Variants in DIP2A observed in about 807,000 individuals in gnomAD.
The protein encoded by DIP2A is disco-interacting protein 2 homolog A.
In DIP2A, 85 loss-of-function variants were observed where a neutral mutation model predicts 177.4. That is an observed-to-expected ratio of 0.48 (90% CI 0.40 to 0.57). The LOEUF (loss-of-function observed/expected upper bound fraction) is 0.57, where lower values mean the gene tolerates loss of function less well. Ranked by LOEUF, DIP2A falls within the 20% of genes least tolerant of loss-of-function variation. DIP2A has a pLI of 0.00. For missense variants in DIP2A, 1,791 were observed against 2,100.2 expected, an observed-to-expected ratio of 0.85 and a Z score of 2.88; for synonymous variants, 886 against 881.8, an observed-to-expected ratio of 1.00 and a Z score of -0.08.
At position 46,537,202 on chromosome 21, in the gene DIP2A, C is replaced by A. The variant is rs913033092; in HGVS notation, c.1643-22C>A. Reference sequence around the variant, plus strand: ...TATTGAGAGGGTTGCTCAGTGGTGTCACCTTCTTTGTCCACTTGCAGCTGA... The same window carrying A: ...TATTGAGAGGGTTGCTCAGTGGTGTAACCTTCTTTGTCCACTTGCAGCTGA... On this transcript the variant is annotated intron_variant, in intron 13 of 37. Transcript: ENST00000417564. This position sits in a 1 kb window ranked among gnomAD's most constrained non-coding sequence, Gnocchi z 4.1. The A allele has an allele frequency of 1.9e-6, 3 of 1,613,760 alleles. No homozygotes were observed. Among genetic ancestry groups the A allele is most frequent in the Non-Finnish European group, 2.5e-6 (3 of 1,179,790 alleles).
intron 1 of DIP2A, among the ~76,000 whole-genome samples, chr21:46,471,524 G>A (rs576593916): frequency 6.6e-6 from 1 of 152,264 alleles, no homozygotes; most frequent in African/African-American, 2.4e-5. Context: ...TAATCCTTGT[G>A]GCTCAATCTT....
intron 1 of DIP2A, among the ~76,000 whole-genome samples, chr21:46,465,879 A>G (rs778385131): frequency 1.3e-5 from 2 of 152,214 alleles, no homozygotes; most frequent in African/African-American, 2.4e-5. Flanking sequence ...AAAGCGAACT[A>G]GCTGCTTTTA....
Position 46,515,932 on chromosome 21 carries a change from G to C in DIP2A, c.1102+4318G>C, listed in dbSNP as rs181369005. Among the ~76,000 whole-genome samples the C allele has an allele frequency of 2.0e-5, 3 of 152,110 alleles. No homozygotes were observed. The East Asian group carries it at 5.8e-4, about 29-fold the overall frequency. ...TTCCTGAGATTCTGTATTTTCCTGG[G>C]TAATCATTTCCTTCTGGCCTGTAGA... On this transcript the variant is annotated intron_variant, in intron 8 of 37. Coordinates refer to ENST00000417564, the MANE Select transcript of DIP2A (RefSeq NM_015151.4).
Position 46,464,844 on chromosome 21 carries a change from T to TTTTTTTTTC in DIP2A, c.91+5622_91+5623insTTTTTTTTC, listed in dbSNP as rs58546395. Among the ~76,000 whole-genome samples, 149 of 111,220 alleles carry TTTTTTTTTC rather than the reference T, an allele frequency of 1.3e-3. 16 individuals carry two copies. The highest frequency in any genetic ancestry group is 5.8e-3 in the African/African-American group (138 of 23,986). The allele number at this position is 111,220 out of a possible 152,430, so 73.0% of individuals were successfully genotyped here. On this transcript the variant is annotated intron_variant, in intron 1 of 37. Coordinates refer to ENST00000417564, the MANE Select transcript of DIP2A (RefSeq NM_015151.4). The stretch of plus-strand genomic sequence containing the variant: ...TTTTTTTTTTTTTTTTTTTTTTTTT[T>TTTTTTTTTC]CAAGAAAACACACAACAAATGTCAG...
At chr21:46,545,349 C>T in intron 19 of DIP2A, 76 bp downstream of exon 19, 1 of 1,507,356 alleles carries the variant, frequency 6.6e-7, no homozygotes, top group Non-Finnish European at 9.0e-7. Flanking sequence ...GTGCTGGGTG[C>T]TGGGGGATTG....
Position 46,569,216 on chromosome 21 carries a change from C to T in DIP2A, c.*1594C>T, listed in dbSNP as rs1401631153. ...AGAATTAGTCTGGATCAGTGCCTAACAAAGCTGTTATTAATTCTCCACACA... is the reference window on the plus strand; with the variant it reads ...AGAATTAGTCTGGATCAGTGCCTAATAAAGCTGTTATTAATTCTCCACACA... On this transcript the variant is annotated 3_prime_UTR_variant, in exon 38 of 38. Transcript: ENST00000417564. 1 of 152,162 alleles carries T rather than the reference C, an allele frequency of 6.6e-6. No homozygotes were observed. Among genetic ancestry groups the T allele is most frequent in the Non-Finnish European group, 1.5e-5 (1 of 68,030 alleles). The allele number at this position is 152,162 out of a possible 1,614,324, so 9.4% of individuals were successfully genotyped here.
intron 1 of DIP2A, among the ~76,000 whole-genome samples, chr21:46,468,560 G>A (rs537845209): frequency 3.9e-5 from 6 of 152,302 alleles, no homozygotes; most frequent in Non-Finnish European, 7.3e-5. Flanking sequence ...AATCTGGAAG[G>A]TGTTGATCAA....
intron 3 of DIP2A, among the ~76,000 whole-genome samples, chr21:46,493,648 A>T (rs1207588315): frequency 6.6e-6 from 1 of 151,992 alleles, no homozygotes; most frequent in Non-Finnish European, 1.5e-5. Flanking sequence ...AAGGTGATTT[A>T]CCTTTTTCTC....
chr21:46,538,772 TC>T, intron 16 of DIP2A, 170 bp downstream of exon 16: 1 of 1,021,352 alleles, frequency 9.8e-7, no homozygotes. Context: ...CACTGGTTTA[TC>T]CCATGCATGT....
chr21:46,560,843 G>C, intron 33 of DIP2A, 60 bp downstream of exon 33: 3 of 1,558,930 alleles, frequency 1.9e-6, no homozygotes, highest in Non-Finnish European at 2.6e-6. Context: ...ATGCAAACCA[G>C]GTCTGCACTG....
chr21:46,477,546 T>TGTGTGTGTGTGTGTGTGTGTGTGTGG (rs2055978230), intron 1 of DIP2A, among the ~76,000 whole-genome samples: 1 of 129,398 alleles, frequency 7.7e-6, no homozygotes, highest in African/African-American at 2.8e-5. Flanking sequence ...AAAAGATTTG[T>TGTGTGTGTGTGTGTGTGTGTGTGTGG]GTGTGTGTGT....
chr21:46,481,110 A>G (rs138545619), intron 1 of DIP2A, among the ~76,000 whole-genome samples: 18 of 152,168 alleles, frequency 1.2e-4, no homozygotes, highest in African/African-American at 4.1e-4. Context: ...ATCATCCCCA[A>G]ACACTCCTCA....
intron 19 of DIP2A, 147 bp from the exon 20 acceptor site, chr21:46,545,734 A>G: frequency 1.1e-6 from 1 of 896,008 alleles, no homozygotes; most frequent in Non-Finnish European, 1.7e-6. Context: ...CAGGCCACAG[A>G]AACTGGGCCT....
intron 18 of DIP2A, among the ~76,000 whole-genome samples, 161 bp from the exon 19 acceptor site, chr21:46,544,976 A>G (rs970741513): frequency 2.6e-5 from 4 of 152,216 alleles, no homozygotes; most frequent in Non-Finnish European, 5.9e-5. Flanking sequence ...ACTTACAGCT[A>G]GGTAGCATGT....
intron 37 of DIP2A, 87 bp from the exon 38 acceptor site, chr21:46,567,280 CTCT>C: frequency 6.6e-7 from 1 of 1,526,048 alleles, no homozygotes; most frequent in African/African-American, 1.4e-5. Context: ...GTGGGCTTCA[CTCT>C]TCTTTGTGCC....
chr21:46,477,570 T>TGTGTGTGTGTGTGTGTGTG lies in DIP2A; in HGVS notation c.92-7187_92-7186insGTGTGTGTGTGTGTGTGTG, dbSNP rs1180881454. Among the ~76,000 whole-genome samples, 77 of 127,984 alleles carry TGTGTGTGTGTGTGTGTGTG rather than the reference T, an allele frequency of 6.0e-4. 2 individuals carry two copies. The highest frequency in any genetic ancestry group is 4.3e-3 in the Middle Eastern group (1 of 230). The allele number at this position is 127,984 out of a possible 152,430, so 84.0% of individuals were successfully genotyped here. On this transcript the variant is annotated intron_variant, in intron 1 of 37. Coordinates refer to ENST00000417564, the MANE Select transcript of DIP2A (RefSeq NM_015151.4). ...GTGTGTGTGTGTGTGTGTGTGTGTA[T>TGTGTGTGTGTGTGTGTGTG]TTCTTTTTTTTTTTTTTTCTTGAGT...
At chr21:46,571,460 A>T (rs1381741782), downstream of DIP2A, among the ~76,000 whole-genome samples, 2 of 152,138 alleles carry the variant, frequency 1.3e-5, no homozygotes, top group African/African-American at 4.8e-5. Context: ...CTTGATGGGG[A>T]TAGCATTGAA....
intron 7 of DIP2A, among the ~76,000 whole-genome samples, chr21:46,510,725 A>AG (rs543843918): frequency 7.5e-5 from 11 of 146,030 alleles, no homozygotes; most frequent in African/African-American, 2.8e-4. Flanking sequence ...CCACCTCCTG[A>AG]GTTCACGCCA....
chr21:46,529,560 C>T (rs1253115922), intron 9 of DIP2A, among the ~76,000 whole-genome samples: 1 of 150,942 alleles, frequency 6.6e-6, no homozygotes, highest in East Asian at 2.0e-4. Flanking sequence ...AAGATCTCGC[C>T]ACTGCACTCC....
Sources: gnomAD v4.1 joint callset for allele counts (sites outside exome capture counted in the v4.1 genomes callset) on GRCh38, gnomAD v4.1.1 for gene constraint, Gnocchi (gnomAD v3.1) non-coding constraint, MANE v1.5 for transcripts, NCBI Gene and HGNC (gene_info 2026-07-23, HGNC 2026-07-21) for gene names.